Variants in RSPH14 observed in about 807,000 individuals in gnomAD.
RSPH14 encodes the protein rhabdoid tumor deletion region gene 1.
Under a neutral mutation model 26.7 loss-of-function variants are expected in RSPH14, and 20 were observed. That is an observed-to-expected ratio of 0.75 (90% confidence interval 0.53 to 1.09). The LOEUF is 1.09. RSPH14 is among the 50% of genes least tolerant of loss of function. The pLI is 0.00. For missense variants in RSPH14, 449 were observed against 457.2 expected (o/e 0.98, Z 0.16); for synonymous variants, 177 against 189.3 (o/e 0.93, Z 0.53).
intron 4 of RSPH14, among the ~76,000 whole-genome samples, chr22:23,077,271 T>A (rs1345552847): frequency 6.6e-6 from 1 of 152,180 alleles, no homozygotes; most frequent in Non-Finnish European, 1.5e-5. Flanking sequence ...GCCTCCGTCT[T>A]CCTGAGTCCC....
chr22:23,104,805 G>A (rs764514728), intron 4 of RSPH14, among the ~76,000 whole-genome samples: 15 of 152,316 alleles, frequency 9.8e-5, no homozygotes, highest in African/African-American at 3.4e-4. Flanking sequence ...TGTGCTGACC[G>A]GATGCATAGC....
Position 23,071,173 on chromosome 22 carries a change from C to T in RSPH14, c.422-7040G>A, listed in dbSNP as rs752364738. On this transcript the variant is annotated intron_variant, in intron 4 of 6. Transcript: ENST00000216036. This position sits in a 1 kb window ranked among gnomAD's most constrained non-coding sequence, Gnocchi z 4.1. ...GTATCGACCTGCTGCGATTGTAATACGTTCCCGGCTCAATATTTTTTCCCT... is the reference window on the plus strand; with the variant it reads ...GTATCGACCTGCTGCGATTGTAATATGTTCCCGGCTCAATATTTTTTCCCT... Among the ~76,000 whole-genome samples, 1 of 152,112 alleles carries T rather than the reference C, an allele frequency of 6.6e-6. No homozygotes were observed. The highest frequency in any genetic ancestry group is 2.1e-4 in the South Asian group (1 of 4,830).
intron 4 of RSPH14, among the ~76,000 whole-genome samples, chr22:23,105,931 G>A (rs1311524196): frequency 6.6e-6 from 1 of 152,232 alleles, no homozygotes; most frequent in African/African-American, 2.4e-5. Context: ...GAGCAGGTGG[G>A]ACCCAGGTGC....
intron 4 of RSPH14, among the ~76,000 whole-genome samples, chr22:23,075,025 C>T (rs1168223868): frequency 6.6e-6 from 1 of 152,214 alleles, no homozygotes; most frequent in Non-Finnish European, 1.5e-5. Context: ...TAAAATTATG[C>T]ATTCCAGAAC....
intron 4 of RSPH14, chr22:23,124,782 A>G (rs11703490): frequency 0.011 from 1,824 of 158,696 alleles, 17 homozygotes; most frequent in Non-Finnish European, 0.018. Flanking sequence ...CCCAGGGCCT[A>G]TGGGCAACTG....
intron 2 of RSPH14, among the ~76,000 whole-genome samples, chr22:23,139,863 A>G (rs908443064): frequency 6.6e-6 from 1 of 152,108 alleles, no homozygotes; most frequent in Non-Finnish European, 1.5e-5. Context: ...GAGTTCAAGA[A>G]CAGCCTGGGC....
chr22:23,153,634 C>T, the RSPH14 span: 3 of 984,996 alleles, frequency 3.0e-6, no homozygotes, highest in Admixed American at 6.2e-5. Context: ...ACTCGTCTTC[C>T]TCCTCACACT....
At chr22:23,178,820 C>T in the RSPH14 span, among the ~76,000 whole-genome samples, 1 of 152,178 alleles carries the variant, frequency 6.6e-6, no homozygotes, top group Non-Finnish European at 1.5e-5. Context: ...CATTTTGTAC[C>T]GTGGCCCACA....
chr22:23,087,861 T>C (rs937106418), intron 4 of RSPH14, among the ~76,000 whole-genome samples: 7 of 152,196 alleles, frequency 4.6e-5, no homozygotes, highest in Admixed American at 1.3e-4. Flanking sequence ...AGCACTGATC[T>C]CAAGAGCAGT....
chr22:23,176,884 G>A, the RSPH14 span, among the ~76,000 whole-genome samples: 787 of 152,258 alleles, frequency 5.2e-3, 6 homozygotes, highest in African/African-American at 0.018. Flanking sequence ...TCACTAACAC[G>A]AAACCAAACA....
chr22:23,112,861 G>A (rs1374200060), intron 4 of RSPH14, among the ~76,000 whole-genome samples: 1 of 152,196 alleles, frequency 6.6e-6, no homozygotes, highest in Admixed American at 6.5e-5. Flanking sequence ...CAGGAAGGCA[G>A]GGGCCTGGTC....
At chr22:23,075,339 G>T (rs2068482785) in intron 4 of RSPH14, among the ~76,000 whole-genome samples, 1 of 152,182 alleles carries the variant, frequency 6.6e-6, no homozygotes, top group Non-Finnish European at 1.5e-5. Context: ...GCAGGCAATT[G>T]CCTGCTGCAA....
chr22:23,115,472 G>A (rs1417998871), intron 4 of RSPH14, among the ~76,000 whole-genome samples: 2 of 152,158 alleles, frequency 1.3e-5, no homozygotes, highest in Non-Finnish European at 2.9e-5. Flanking sequence ...CCTACCTGCT[G>A]GGAGCTGACA....
rs10562943 is a variant in RSPH14, at chr22:23,065,534, CAAAAAAAAAAAAAA to C, written c.422-1415_422-1402del. ...TTTTTTATTTAATATGCACAGATTG[CAAAAAAAAAAAAAA>C]AAAAAAAAAAAAAAGCCTAGGTCTC... On this transcript the variant is annotated intron_variant, in intron 4 of 6. Coordinates refer to ENST00000216036, the MANE Select transcript of RSPH14 (RefSeq NM_014433.3). Among the ~76,000 whole-genome samples the C allele has an allele frequency of 5.2e-3, 237 of 45,180 alleles. 5 individuals are homozygous for C. The highest frequency in any genetic ancestry group is 0.02 in the African/African-American group (224 of 11,482). The allele number at this position is 45,180 out of a possible 152,430, so 29.6% of individuals were successfully genotyped here. A position where few individuals can be genotyped will look rare whatever the true frequency, so the allele number is the denominator to read the frequency against.
At chr22:23,104,013 C>CG (rs1332437305) in intron 4 of RSPH14, among the ~76,000 whole-genome samples, 1 of 152,024 alleles carries the variant, frequency 6.6e-6, no homozygotes, top group Non-Finnish European at 1.5e-5. Flanking sequence ...GCAGGAGAGA[C>CG]GGGGGCCTAG....
At chr22:23,145,506 A>G (rs750806409), upstream of RSPH14, 2 of 1,606,010 alleles carry the variant, frequency 1.2e-6, no homozygotes, top group South Asian at 1.1e-5. Flanking sequence ...CCGCTGGCTC[A>G]GGCGGACCAG....
chr22:23,116,508 G>A (rs2069840522), intron 4 of RSPH14, among the ~76,000 whole-genome samples: 1 of 152,256 alleles, frequency 6.6e-6, no homozygotes, highest in Non-Finnish European at 1.5e-5. Flanking sequence ...CCTCATGCAG[G>A]ACCATGGTCT....
chr22:23,075,334 C>T (rs901888656), intron 4 of RSPH14, among the ~76,000 whole-genome samples: 1 of 152,166 alleles, frequency 6.6e-6, no homozygotes, highest in South Asian at 2.1e-4. Flanking sequence ...CTGCAGCAGG[C>T]AATTGCCTGC....
At chr22:23,161,526 C>T in the RSPH14 span, 5 of 1,613,026 alleles carry the variant, frequency 3.1e-6, no homozygotes, top group South Asian at 4.4e-5. Context: ...GCCCGAGACC[C>T]AGGAGAGCAA....
Sources: allele counts gnomAD v4.1 joint callset (sites outside exome capture counted in the v4.1 genomes callset), GRCh38; gene constraint gnomAD v4.1.1; non-coding constraint Gnocchi (gnomAD v3.1); transcripts MANE v1.5; gene names NCBI Gene and HGNC (gene_info 2026-07-23, HGNC 2026-07-21).